The following RETREG1 variants were observed in gnomAD, a reference collection of about 807,000 sequenced individuals.
RETREG1 encodes the protein reticulophagy regulator 1.
A neutral mutation model predicts 54.8 loss-of-function variants in RETREG1; 44 were observed. That is an observed-to-expected ratio of 0.80 (90% CI 0.63 to 1.03). The LOEUF is 1.03. Among genes scored for constraint, RETREG1 ranks in the 50% least tolerant of loss-of-function variants. The probability of loss-of-function intolerance (pLI) is 0.00; values close to 1 mark genes in which losing one functional copy is unlikely to be tolerated. For missense variants in RETREG1, 554 were observed against 605.1 expected, an observed-to-expected ratio of 0.92 and a Z score of 0.89; for synonymous variants, 217 against 238.5, an observed-to-expected ratio of 0.91 and a Z score of 0.83.
intron 3 of RETREG1, among the ~76,000 whole-genome samples, chr5:16,545,822 G>A (rs1366266115): frequency 6.6e-6 from 1 of 152,218 alleles, no homozygotes; most frequent in Admixed American, 6.5e-5. Context: ...TGTCAGCACA[G>A]AAGCTTCCTC....
intron 1 of RETREG1, among the ~76,000 whole-genome samples, chr5:16,587,851 TC>T (rs2089819513): frequency 6.6e-6 from 1 of 152,144 alleles, no homozygotes. Flanking sequence ...TCCTTCTCAT[TC>T]CCCTCTTTGC....
intron 1 of RETREG1, among the ~76,000 whole-genome samples, chr5:16,603,395 A>G (rs974363405): frequency 6.6e-6 from 1 of 152,228 alleles, no homozygotes; most frequent in African/African-American, 2.4e-5. Flanking sequence ...AAGTCTCTGA[A>G]GAATATTTGC....
intron 3 of RETREG1, among the ~76,000 whole-genome samples, chr5:16,525,279 C>T (rs548503207): frequency 1.4e-4 from 11 of 77,712 alleles, no homozygotes; most frequent in African/African-American, 2.9e-4. Context: ...TGGATGTGCG[C>T]GGGGGGACAC....
intron 1 of RETREG1, 88 bp downstream of exon 1, chr5:16,616,564 G>A (rs531001697): frequency 6.6e-7 from 1 of 1,520,334 alleles, no homozygotes; most frequent in African/African-American, 1.4e-5. Flanking sequence ...AGTGTCCCGC[G>A]GGCTCCCCCT....
chr5:16,475,009 A>G lies in RETREG1; in HGVS notation c.1226T>C (p.Met409Thr), dbSNP rs1057518317. 3 of 1,613,566 alleles carry G rather than the reference A, an allele frequency of 1.9e-6. No homozygotes were observed. Among genetic ancestry groups the G allele is most frequent in the Non-Finnish European group, 2.5e-6 (3 of 1,179,740 alleles). The change falls in exon 9 of 9, where the codon ATG (methionine) becomes ACG (threonine). Residue 409 changes from methionine to threonine, a missense_variant. Physicochemically the swap from Met to Thr is moderately conservative, Grantham distance 81 (BLOSUM62 -1). This residue lies in a region of RETREG1 where 347 missense variants were observed against 412.3 expected (regional missense o/e 0.84). Coordinates refer to ENST00000306320, the MANE Select transcript of RETREG1 (RefSeq NM_001034850.3). Reference protein sequence around the residue: ...PLNSDQTFHLMSNLAGDVITA... With the variant: ...PLNSDQTFHLTSNLAGDVITA... ...GATAACATCCCCAGCCAGGTTGCTC[A>G]TCAGGTGAAAGGTTTGGTCACTGTT...
chr5:16,570,305 C>A (rs1280534221), intron 2 of RETREG1, among the ~76,000 whole-genome samples: 2 of 152,180 alleles, frequency 1.3e-5, no homozygotes, highest in Admixed American at 1.3e-4. Flanking sequence ...GAAATTTCCA[C>A]ATCTGCATGA....
intron 1 of RETREG1, among the ~76,000 whole-genome samples, chr5:16,587,544 C>T (rs1483904821): frequency 6.6e-6 from 1 of 152,186 alleles, no homozygotes; most frequent in African/African-American, 2.4e-5. Context: ...GTCATGTGGA[C>T]GTCTATCTTT....
intron 4 of RETREG1, among the ~76,000 whole-genome samples, chr5:16,482,570 T>C (rs557237227): frequency 6.6e-6 from 1 of 152,148 alleles, no homozygotes; most frequent in Non-Finnish European, 1.5e-5. Flanking sequence ...GAAGTTACGA[T>C]ATTGCCTATA....
At chr5:16,569,530 T>C (rs529991410) in intron 2 of RETREG1, among the ~76,000 whole-genome samples, 14 of 152,270 alleles carry the variant, frequency 9.2e-5, no homozygotes, top group Admixed American at 2.6e-4. Context: ...GTGGCCCTGA[T>C]GACATGTCAG....
At chr5:16,521,276 C>T (rs186832524) in intron 3 of RETREG1, among the ~76,000 whole-genome samples, 8 of 152,288 alleles carry the variant, frequency 5.3e-5, no homozygotes, top group African/African-American at 1.9e-4. Context: ...TCCCTCAGAA[C>T]TTCTCTAAAA....
chr5:16,609,187 G>A (rs1743273707), intron 1 of RETREG1, among the ~76,000 whole-genome samples: 1 of 152,186 alleles, frequency 6.6e-6, no homozygotes, highest in Admixed American at 6.5e-5. Flanking sequence ...CTATTGAACA[G>A]TACCGGTCAA....
chr5:16,508,610 C>T (rs754693880), intron 3 of RETREG1: 2 of 1,614,194 alleles, frequency 1.2e-6, no homozygotes, highest in East Asian at 2.2e-5. Context: ...CACCTTCAGG[C>T]ATTTCTGCCC....
At chr5:16,590,236 C>T (rs1742726761) in intron 1 of RETREG1, among the ~76,000 whole-genome samples, 1 of 152,202 alleles carries the variant, frequency 6.6e-6, no homozygotes, top group Non-Finnish European at 1.5e-5. Flanking sequence ...GCAAGACAAG[C>T]CCCTCACACT....
At chr5:16,506,876 G>C (rs959490116) in intron 3 of RETREG1, among the ~76,000 whole-genome samples, 2 of 152,056 alleles carry the variant, frequency 1.3e-5, no homozygotes, top group African/African-American at 4.8e-5. Context: ...GGTGGCACAG[G>C]AATATGCTAC....
rs1742601308 is a variant in RETREG1 at position 16,585,387 on chromosome 5, C to T, written c.321-13285G>A. ...GAGGTCAAGGCAAAGAGAAACTGAG[C>T]ATGCTCTACTGTGCACCCTTGCACT... On this transcript the variant is annotated intron_variant, in intron 1 of 8. Transcript: ENST00000306320. This position sits in a 1 kb window ranked among gnomAD's most constrained non-coding sequence, Gnocchi z 4.5. 6.6e-6 allele frequency among the ~76,000 whole-genome samples: 1 copy of T among 152,166 alleles called. No homozygotes were observed. Among genetic ancestry groups the T allele is most frequent in the Non-Finnish European group, 1.5e-5 (1 of 68,038 alleles).
chr5:16,521,511 A>G (rs1297229751), intron 3 of RETREG1, among the ~76,000 whole-genome samples: 2 of 152,210 alleles, frequency 1.3e-5, no homozygotes, highest in Non-Finnish European at 2.9e-5. Flanking sequence ...ACAAATCATC[A>G]TAGCAGCAAA....
chr5:16,485,675 G>T (rs1579590837), intron 3 of RETREG1, among the ~76,000 whole-genome samples: 1 of 152,116 alleles, frequency 6.6e-6, no homozygotes, highest in East Asian at 1.9e-4. Context: ...TTAGAACAAA[G>T]ACTTCATATA....
intron 3 of RETREG1, among the ~76,000 whole-genome samples, chr5:16,537,872 G>A (rs965309030): frequency 6.6e-6 from 1 of 152,174 alleles, no homozygotes; most frequent in Non-Finnish European, 1.5e-5. Context: ...GTCTCACCCT[G>A]CATGCAGGGT....
intron 3 of RETREG1, among the ~76,000 whole-genome samples, chr5:16,539,549 TCTC>T (rs776599131): frequency 1.3e-4 from 20 of 152,070 alleles, no homozygotes; most frequent in Non-Finnish European, 2.8e-4. Context: ...CCCAGCCTCA[TCTC>T]CTCCTGCTCG....
Sources: allele counts gnomAD v4.1 joint callset (sites outside exome capture counted in the v4.1 genomes callset), GRCh38; gene constraint gnomAD v4.1.1; regional missense constraint gnomAD v4.1.1; non-coding constraint Gnocchi (gnomAD v3.1); transcripts MANE v1.5; gene names NCBI Gene and HGNC (gene_info 2026-07-23, HGNC 2026-07-21).